PDPK1: variants seen among roughly 807,000 people sequenced by gnomAD.
The protein encoded by PDPK1 is 3-phosphoinositide-dependent protein kinase 1.
Under a neutral mutation model 39.8 loss-of-function variants are expected in PDPK1, and 7 were observed. That is an observed-to-expected ratio of 0.18 (90% confidence interval 0.10 to 0.33). The LOEUF is 0.33. Ranked by LOEUF, PDPK1 falls within the 10% of genes least tolerant of loss-of-function variation. The pLI is 1.00. For missense variants in PDPK1, 182 were observed against 384.7 expected, an observed-to-expected ratio of 0.47 and a Z score of 4.41; for synonymous variants, 118 against 159.1, an observed-to-expected ratio of 0.74 and a Z score of 1.95.
chr16:2,546,067 T>TA (rs1290177891), intron 1 of PDPK1, among the ~76,000 whole-genome samples: 2 of 152,160 alleles, frequency 1.3e-5, no homozygotes, highest in Non-Finnish European at 2.9e-5. Context: ...GAATACTGCT[T>TA]AGGAGATGAT....
intron 1 of PDPK1, among the ~76,000 whole-genome samples, chr16:2,543,463 G>A (rs1261619883): frequency 8.5e-6 from 1 of 117,966 alleles, no homozygotes; most frequent in African/African-American, 3.5e-5. Context: ...GTCCCCAGAT[G>A]CCAGCACTCC....
chr16:2,587,114 G>C (rs575595161), intron 11 of PDPK1, among the ~76,000 whole-genome samples: 1 of 152,198 alleles, frequency 6.6e-6, no homozygotes, highest in Non-Finnish European at 1.5e-5. Context: ...CTCCTCTGCC[G>C]GGCATTTGGA....
intron 1 of PDPK1, among the ~76,000 whole-genome samples, chr16:2,545,434 A>T (rs1441794925): frequency 6.6e-6 from 1 of 151,810 alleles, no homozygotes; most frequent in African/African-American, 2.4e-5. Context: ...CTTGGGCTCA[A>T]GCCATCCTCC....
chr16:2,539,111 C>G (rs941621576), intron 1 of PDPK1: 8 of 210,950 alleles, frequency 3.8e-5, no homozygotes, highest in African/African-American at 2.0e-4. Flanking sequence ...TGGAGTCTCC[C>G]TCTCGACGCG....
chr16:2,540,418 A>G (rs2066223383), intron 1 of PDPK1, among the ~76,000 whole-genome samples: 1 of 152,224 alleles, frequency 6.6e-6, no homozygotes, highest in Non-Finnish European at 1.5e-5. Flanking sequence ...TTACGGGTGC[A>G]GAAGCTGAGC....
intron 6 of PDPK1, among the ~76,000 whole-genome samples, chr16:2,573,817 G>A (rs1257688964): frequency 1.2e-5 from 1 of 84,132 alleles, no homozygotes; most frequent in East Asian, 3.0e-4. Context: ...TTTTTGAGAC[G>A]GAATTTCGCT....
intron 11 of PDPK1, 54 bp downstream of exon 11, chr16:2,586,947 G>T (rs757674189): frequency 1.3e-5 from 19 of 1,496,168 alleles, no homozygotes; most frequent in East Asian, 2.3e-5. Flanking sequence ...GCGTGAACAC[G>T]TGGGGGCTTA....
chr16:2,541,620 T>C (rs1049202850), intron 1 of PDPK1, among the ~76,000 whole-genome samples: 62 of 152,194 alleles, frequency 4.1e-4, no homozygotes, highest in South Asian at 1.0e-3. Context: ...CCACACCTGC[T>C]GTGCGATGAC....
intron 6 of PDPK1, among the ~76,000 whole-genome samples, chr16:2,574,128 TC>T (rs1472170077): frequency 4.1e-4 from 1 of 2,466 alleles, no homozygotes; most frequent in Non-Finnish European, 9.2e-4. Context: ...AGTTGGTTTT[TC>T]CCTGCCCCGC....
rs535544455 is a variant in PDPK1, at chr16:2,600,210, A to G, written c.*2443A>G. Reference sequence around the variant, plus strand: ...AGAACGTGGGGTACTGTGTGTGCACATAGACACACTTACGTGGAATTACAG... The same window carrying G: ...AGAACGTGGGGTACTGTGTGTGCACGTAGACACACTTACGTGGAATTACAG... On this transcript the variant is annotated 3_prime_UTR_variant, in exon 14 of 14. Transcript: ENST00000342085. The G allele has an allele frequency of 1.2e-4, 29 of 233,330 alleles. No individual in the cohort carries two copies. Among genetic ancestry groups the G allele is most frequent in the African/African-American group, 5.1e-4 (23 of 45,484 alleles). 14.5% of individuals were successfully genotyped at this position (233,330 alleles called of 1,614,324 possible). A position where few individuals can be genotyped will look rare whatever the true frequency, so the allele number is the denominator to read the frequency against.
At position 2,598,926 on chromosome 16, in the gene PDPK1, G is replaced by C. The variant is rs1483720316; in HGVS notation, c.*1159G>C. ...ATCAGAAATCTCACAGCCTTCTCAT[G>C]CTGCCGGCTCATCTGGGCCCATAGA... On this transcript the variant is annotated 3_prime_UTR_variant, in exon 14 of 14. Coordinates refer to ENST00000342085, the MANE Select transcript of PDPK1 (RefSeq NM_002613.5). 8.6e-6 allele frequency: 2 copies of C among 233,182 alleles called. No individual in the cohort carries two copies. The highest frequency in any genetic ancestry group is 4.4e-5 in the African/African-American group (2 of 45,332). 14.4% of individuals were successfully genotyped at this position (233,182 alleles called of 1,614,324 possible).
chr16:2,546,069 G>A (rs1359437523), intron 1 of PDPK1, among the ~76,000 whole-genome samples: 2 of 152,130 alleles, frequency 1.3e-5, no homozygotes, highest in Non-Finnish European at 2.9e-5. Context: ...ATACTGCTTA[G>A]GAGATGATGA....
At chr16:2,560,273 T>A (rs1429388211) in intron 2 of PDPK1, among the ~76,000 whole-genome samples, 2 of 152,080 alleles carry the variant, frequency 1.3e-5, no homozygotes, top group African/African-American at 4.8e-5. Flanking sequence ...TTTCTACTTA[T>A]GAAGCTAGCA....
In PDPK1 at chr16:2,598,803, C is replaced by T. The variant is rs2142013617; in HGVS notation, c.*1036C>T. The T allele has an allele frequency of 8.6e-6, 2 of 233,328 alleles. No homozygotes were observed. The highest frequency in any genetic ancestry group is 1.7e-5 in the Non-Finnish European group (2 of 118,078). The allele number at this position is 233,328 out of a possible 1,614,324, so 14.5% of individuals were successfully genotyped here. A position where few individuals can be genotyped will look rare whatever the true frequency, so the allele number is the denominator to read the frequency against. On this transcript the variant is annotated 3_prime_UTR_variant, in exon 14 of 14. Coordinates refer to ENST00000342085, the MANE Select transcript of PDPK1 (RefSeq NM_002613.5). ...AGACCCAGGGTGCTTCTGTCTCCTG[C>T]AGACCACGCCAGGGAGTGCAGACAC...
intron 11 of PDPK1, chr16:2,594,111 A>T (rs991586041): frequency 2.6e-5 from 4 of 152,332 alleles, no homozygotes; most frequent in African/African-American, 9.7e-5. Flanking sequence ...GGGGCTGGGT[A>T]AGCCCTGGGG....
Position 2,597,945 on chromosome 16 carries a change from G to A in PDPK1, c.*178G>A, listed in dbSNP as rs1373383122. ...GAAAAAAAACACCCAACCACACAAAGAACAAAACCAGTAACAAACACAAAG... is the reference window on the plus strand; with the variant it reads ...GAAAAAAAACACCCAACCACACAAAAAACAAAACCAGTAACAAACACAAAG... On this transcript the variant is annotated 3_prime_UTR_variant, in exon 14 of 14. Transcript: ENST00000342085. This position sits in a 1 kb window ranked among gnomAD's most constrained non-coding sequence, Gnocchi z 6.3. 3.4e-6 allele frequency: 2 copies of A among 589,224 alleles called. No individual in the cohort carries two copies. The highest frequency in any genetic ancestry group is 3.7e-5 in the African/African-American group (2 of 53,668). The allele number at this position is 589,224 out of a possible 1,614,324, so 36.5% of individuals were successfully genotyped here. A position where few individuals can be genotyped will look rare whatever the true frequency, so the allele number is the denominator to read the frequency against.
intron 12 of PDPK1, among the ~76,000 whole-genome samples, chr16:2,596,277 C>T (rs1026512321): frequency 1.3e-4 from 20 of 152,170 alleles, no homozygotes; most frequent in African/African-American, 4.3e-4. Context: ...CTGCAAGCTC[C>T]GCCTCCCAGG....
chr16:2,592,059 G>A (rs2066999927), intron 11 of PDPK1, among the ~76,000 whole-genome samples: 1 of 152,240 alleles, frequency 6.6e-6, no homozygotes, highest in Non-Finnish European at 1.5e-5. Context: ...CCCGAGGGGT[G>A]GAAAAGCCTC....
At position 2,595,859 on chromosome 16, in the gene PDPK1, TC is replaced by T. The variant is rs760545916; in HGVS notation, c.1401+10del. The T allele has an allele frequency of 2.5e-6, 4 of 1,610,142 alleles. No individual in the cohort carries two copies. Among genetic ancestry groups the T allele is most frequent in the Non-Finnish European group, 3.4e-6 (4 of 1,176,346 alleles). On this transcript the variant is annotated intron_variant, in intron 12 of 13. Transcript: ENST00000342085. ...CAGTGGATAAGCGGAAGGTGAGTGG[TC>T]AGTGGTCCCGCTGCTCCGCACGGAC...
Sources: gnomAD v4.1 joint callset for allele counts (sites outside exome capture counted in the v4.1 genomes callset) on GRCh38, gnomAD v4.1.1 for gene constraint, Gnocchi (gnomAD v3.1) non-coding constraint, MANE v1.5 for transcripts, NCBI Gene and HGNC (gene_info 2026-07-23, HGNC 2026-07-21) for gene names.